Variants in LRPPRC observed in about 807,000 individuals in gnomAD.
LRPPRC encodes the protein leucine rich pentatricopeptide repeat containing.
A neutral mutation model predicts 180.3 loss-of-function variants in LRPPRC; 120 were observed. The observed-to-expected ratio is 0.67, with a 90% CI of 0.57 to 0.77. LRPPRC has a LOEUF of 0.77. Ranked by LOEUF, LRPPRC falls within the 30% of genes least tolerant of loss-of-function variation. The pLI is 0.00. For missense variants in LRPPRC, 2,012 were observed against 1,657.2 expected, an observed-to-expected ratio of 1.21 and a Z score of -3.72; for synonymous variants, 723 against 600.0, an observed-to-expected ratio of 1.21 and a Z score of -3.00.
At chr2:43,940,572 AT>A (rs1672444078) in intron 23 of LRPPRC, among the ~76,000 whole-genome samples, 2 of 152,208 alleles carry the variant, frequency 1.3e-5, no homozygotes, top group Non-Finnish European at 2.9e-5. Context: ...CACAAAAAAA[AT>A]CCTTAATGGA....
rs760016065 is a variant in LRPPRC, at chr2:43,901,459, G to A, written c.3430C>T (p.Arg1144Cys). The A allele has an allele frequency of 3.7e-5, 59 of 1,613,728 alleles. 1 individual carries two copies. In the East Asian group the frequency reaches 6.2e-4, roughly 17 times the overall value. Residue 1144 changes from arginine to cysteine, a missense_variant, in exon 32 of 38, where the codon CGT (arginine) becomes TGT (cysteine). Transcript: ENST00000260665. ...QQTPSRLAVT[R>C]VIQALAMKGD... The stretch of plus-strand genomic sequence containing the variant: ...TTCATGGCCAATGCCTGGATGACAC[G>A]GGTCACTGCTAACCTAGAAGGGGTC...
rs1422773763 is a variant in LRPPRC, at chr2:43,995,853, C to A, written c.95G>T (p.Gly32Val). Residue 32 changes from glycine (G) to valine (V), a missense_variant, in exon 1 of 38, where the codon GGC becomes GTC. Transcript: ENST00000260665. ...CAGATAGGAGGCGGCATGCAGCCGG[C>A]CCGGGCCGCCAGGGAGGAGGCGCAG... The part of the protein sequence containing the change: ...LSLRLLPGGP[G>V]RLHAASYLPA... 23 of 1,482,110 alleles carry A rather than the reference C, an allele frequency of 1.6e-5. No individual in the cohort carries two copies. The highest frequency in any genetic ancestry group is 2.0e-5 in the Non-Finnish European group (23 of 1,124,456). 91.8% of individuals were successfully genotyped at this position (1,482,110 alleles called of 1,614,324 possible).
chr2:43,915,228 TCTCTCACA>T (rs1442174410), intron 29 of LRPPRC, among the ~76,000 whole-genome samples: 395 of 63,144 alleles, frequency 6.3e-3, no homozygotes, highest in East Asian at 0.023. Flanking sequence ...TCTCTCTCTC[TCTCTCACA>T]CACACACACA....
Position 43,886,290 on chromosome 2 carries a change from ATATAAT to A in LRPPRC, c.*2304_*2309del, listed in dbSNP as rs973814895. Among the ~76,000 whole-genome samples, 4 of 152,226 alleles carry A rather than the reference ATATAAT, an allele frequency of 2.6e-5. No individual in the cohort carries two copies. Among genetic ancestry groups the A allele is most frequent in the African/African-American group, 9.6e-5 (4 of 41,460 alleles). ...TTATTTTGGGTTCAAATACATGAAC[ATATAAT>A]TATATATAAAATACTATAGTTCTCA... On this transcript the variant is annotated 3_prime_UTR_variant, in exon 38 of 38. Transcript: ENST00000260665.
intron 34 of LRPPRC, among the ~76,000 whole-genome samples, chr2:43,897,133 A>C (rs1313795418): frequency 6.6e-6 from 1 of 152,236 alleles, no homozygotes; most frequent in Non-Finnish European, 1.5e-5. Flanking sequence ...TCTTTATAAA[A>C]ATTAAAATGT....
intron 34 of LRPPRC, among the ~76,000 whole-genome samples, chr2:43,897,512 C>G (rs1489645316): frequency 6.6e-6 from 1 of 152,174 alleles, no homozygotes; most frequent in Non-Finnish European, 1.5e-5. Context: ...ACATTACGCA[C>G]TGATGTTTTT....
intron 2 of LRPPRC, 46 bp from the exon 3 acceptor site, chr2:43,979,994 T>C (rs745680357): frequency 3.2e-6 from 5 of 1,581,542 alleles, no homozygotes; most frequent in South Asian, 1.1e-5. Context: ...AGCAGCAATA[T>C]CACATAGATA....
In LRPPRC at chr2:43,988,576, G is replaced by C. The variant is rs571784195; in HGVS notation, c.150-6142C>G. 3.3e-5 allele frequency among the ~76,000 whole-genome samples: 5 copies of C among 152,050 alleles called. No homozygotes were observed. The South Asian group carries it at 1.0e-3, about 31-fold the overall frequency. ...AGACGCCACTGCTCAATAAACAATA[G>C]CTGTCTTATTATAGAAGGTGCTCAA... On this transcript the variant is annotated intron_variant, in intron 1 of 37. Coordinates refer to ENST00000260665, the MANE Select transcript of LRPPRC (RefSeq NM_133259.4).
chr2:43,891,790 T>G (rs1355603110), intron 36 of LRPPRC, among the ~76,000 whole-genome samples: 2 of 152,220 alleles, frequency 1.3e-5, no homozygotes, highest in Non-Finnish European at 2.9e-5. Context: ...TGATTAAGCT[T>G]AGCTTAGTGA....
intron 36 of LRPPRC, among the ~76,000 whole-genome samples, chr2:43,890,730 C>CA (rs1243535960): frequency 1.3e-5 from 2 of 152,124 alleles, no homozygotes; most frequent in Admixed American, 6.5e-5. Flanking sequence ...CAAACAAAAG[C>CA]AAAACCTATA....
intron 27 of LRPPRC, among the ~76,000 whole-genome samples, chr2:43,920,377 T>A (rs1425373154): frequency 6.6e-6 from 1 of 152,076 alleles, no homozygotes; most frequent in Non-Finnish European, 1.5e-5. Context: ...CTCAAGCAAT[T>A]CACTGGCCTT....
intron 36 of LRPPRC, 52 bp downstream of exon 36, chr2:43,894,493 A>T: frequency 1.1e-6 from 1 of 908,488 alleles, no homozygotes; most frequent in Non-Finnish European, 1.8e-6. Flanking sequence ...ATAGTCACTT[A>T]AATAATAAAG....
At chr2:43,959,560 T>C (rs528731936) in intron 13 of LRPPRC, among the ~76,000 whole-genome samples, 26 of 152,192 alleles carry the variant, frequency 1.7e-4, no homozygotes, top group Non-Finnish European at 2.9e-4. Context: ...AGCAACACCA[T>C]GGACGTGTTA....
At chr2:43,926,413 A>G (rs1208074206) in intron 25 of LRPPRC, among the ~76,000 whole-genome samples, 1 of 151,982 alleles carries the variant, frequency 6.6e-6, no homozygotes, top group Non-Finnish European at 1.5e-5. Flanking sequence ...TTTTTTTTAG[A>G]CAGAGTCTCA....
intron 27 of LRPPRC, among the ~76,000 whole-genome samples, chr2:43,923,161 T>C (rs1205660194): frequency 7.3e-6 from 1 of 136,396 alleles, no homozygotes; most frequent in Non-Finnish European, 1.5e-5. Flanking sequence ...AAATGTTGTA[T>C]ATTTTTTTGT....
intron 11 of LRPPRC, among the ~76,000 whole-genome samples, chr2:43,967,791 A>G (rs1374719438): frequency 6.6e-6 from 1 of 152,258 alleles, no homozygotes; most frequent in Non-Finnish European, 1.5e-5. Context: ...CACTGCACAC[A>G]GAAGCCTAAC....
intron 27 of LRPPRC, among the ~76,000 whole-genome samples, chr2:43,923,338 AATT>A (rs1167596490): frequency 3.3e-5 from 5 of 151,966 alleles, no homozygotes; most frequent in Non-Finnish European, 2.9e-5. Context: ...AGAAAAAAAA[AATT>A]ATTAGCAAGG....
At position 43,977,637 on chromosome 2, in the gene LRPPRC, T is replaced by C. The variant is rs549577385; in HGVS notation, c.470-361A>G. Among the ~76,000 whole-genome samples, 4 of 152,292 alleles carry C rather than the reference T, an allele frequency of 2.6e-5. No individual in the cohort carries two copies. In the South Asian group the frequency reaches 6.2e-4, roughly 24 times the overall value. On this transcript the variant is annotated intron_variant, in intron 3 of 37. Coordinates refer to ENST00000260665, the MANE Select transcript of LRPPRC (RefSeq NM_133259.4). ...CAGTCCTCACATTACAGACACACTG[T>C]GAAGAATGGATTGTAACTTCAGTTC...
chr2:43,950,658 T>A, intron 14 of LRPPRC, 58 bp from the exon 15 acceptor site: 2 of 1,088,108 alleles, frequency 1.8e-6, no homozygotes, highest in South Asian at 2.5e-5. Flanking sequence ...AGTATATGCA[T>A]ACTTGTAATA....
Sources: allele counts gnomAD v4.1 joint callset (sites outside exome capture counted in the v4.1 genomes callset), GRCh38; gene constraint gnomAD v4.1.1; transcripts MANE v1.5; gene names NCBI Gene and HGNC (gene_info 2026-07-23, HGNC 2026-07-21).